The following PAPSS1 variants were observed in gnomAD, a reference collection of about 807,000 sequenced individuals.
PAPSS1 encodes bifunctional 3'-phosphoadenosine 5'-phosphosulfate synthase 1.
A neutral mutation model predicts 72.0 loss-of-function variants in PAPSS1; 50 were observed. The observed-to-expected ratio is 0.69, with a 90% CI of 0.55 to 0.88. PAPSS1 has a LOEUF of 0.88. PAPSS1 is among the 40% of genes least tolerant of loss of function. PAPSS1 has a pLI of 0.00. For missense variants in PAPSS1, 657 were observed against 782.2 expected, an observed-to-expected ratio of 0.84 and a Z score of 1.91; for synonymous variants, 261 against 263.6, an observed-to-expected ratio of 0.99 and a Z score of 0.09.
At chr4:107,697,924 T>C (rs1234497689) in intron 2 of PAPSS1, among the ~76,000 whole-genome samples, 1 of 151,936 alleles carries the variant, frequency 6.6e-6, no homozygotes, top group Admixed American at 6.6e-5. Context: ...GAGATTGGAG[T>C]GATCCGTCCA....
At chr4:107,699,692 G>A (rs1174323198) in intron 2 of PAPSS1, among the ~76,000 whole-genome samples, 5 of 152,164 alleles carry the variant, frequency 3.3e-5, no homozygotes, top group South Asian at 2.1e-4. Context: ...AAAAAGGAAC[G>A]CTCCTAAAAA....
At chr4:107,689,106 G>A (rs1722856468) in intron 3 of PAPSS1, among the ~76,000 whole-genome samples, 1 of 152,056 alleles carries the variant, frequency 6.6e-6, no homozygotes, top group Non-Finnish European at 1.5e-5. Context: ...CATATTACAG[G>A]TCTTCTGGCT....
At chr4:107,696,914 A>G (rs10003562) in intron 2 of PAPSS1, among the ~76,000 whole-genome samples, 8,647 of 152,200 alleles carry the variant, frequency 0.057, 816 homozygotes, top group African/African-American at 0.2. Flanking sequence ...CTGTCACATC[A>G]AGAGGTACTA....
intron 9 of PAPSS1, among the ~76,000 whole-genome samples, chr4:107,646,542 C>T (rs1256669903): frequency 6.6e-6 from 1 of 152,096 alleles, no homozygotes; most frequent in East Asian, 1.9e-4. Context: ...AAAAGTACAA[C>T]ATGAGCTGGA....
At chr4:107,712,407 C>T (rs996894643) in intron 1 of PAPSS1, among the ~76,000 whole-genome samples, 4 of 152,240 alleles carry the variant, frequency 2.6e-5, no homozygotes, top group Non-Finnish European at 5.9e-5. Flanking sequence ...ACCACACATA[C>T]AAGGGAGGTT....
chr4:107,684,483 T>C (rs1188079634), intron 4 of PAPSS1, among the ~76,000 whole-genome samples: 1 of 152,180 alleles, frequency 6.6e-6, no homozygotes, highest in Non-Finnish European at 1.5e-5. Context: ...TTAACAAAAC[T>C]ATATTTTTTT....
chr4:107,694,043 A>G, intron 2 of PAPSS1, 37 bp from the exon 3 acceptor site: 1 of 1,409,970 alleles, frequency 7.1e-7, no homozygotes, highest in Non-Finnish European at 9.9e-7. Flanking sequence ...CCATGTGTAA[A>G]GTTAGAAGGA....
At chr4:107,660,802 C>A (rs1727159951) in intron 5 of PAPSS1, among the ~76,000 whole-genome samples, 1 of 152,092 alleles carries the variant, frequency 6.6e-6, no homozygotes, top group Admixed American at 6.6e-5. Context: ...TGTTTTAAGC[C>A]AAATCTGTCA....
At chr4:107,647,852 T>TG (rs1253227735) in intron 9 of PAPSS1, among the ~76,000 whole-genome samples, 1 of 152,174 alleles carries the variant, frequency 6.6e-6, no homozygotes, top group East Asian at 1.9e-4. Context: ...CCCCTACACC[T>TG]GGGTTCAATT....
At chr4:107,712,691 T>C (rs1723526598) in intron 1 of PAPSS1, among the ~76,000 whole-genome samples, 1 of 151,748 alleles carries the variant, frequency 6.6e-6, no homozygotes, top group African/African-American at 2.4e-5. Context: ...TGGCCAACAT[T>C]GTGAAACCCC....
chr4:107,642,938 T>C (rs1726588473), intron 10 of PAPSS1, among the ~76,000 whole-genome samples: 1 of 152,162 alleles, frequency 6.6e-6, no homozygotes, highest in South Asian at 2.1e-4. Flanking sequence ...TCCTCCCTGG[T>C]ATAGCCAACA....
intron 5 of PAPSS1, among the ~76,000 whole-genome samples, chr4:107,669,951 T>C (rs113445129): frequency 2.0e-5 from 3 of 152,316 alleles, no homozygotes; most frequent in African/African-American, 2.4e-5. Flanking sequence ...GAATCCAACA[T>C]GTCCATGAAC....
intron 7 of PAPSS1, among the ~76,000 whole-genome samples, chr4:107,655,208 A>T (rs527864795): frequency 6.6e-6 from 1 of 152,344 alleles, no homozygotes; most frequent in East Asian, 1.9e-4. Context: ...TTAACAAGAA[A>T]GAATCAGCTG....
intron 11 of PAPSS1, among the ~76,000 whole-genome samples, chr4:107,617,188 G>T (rs1371425623): frequency 1.3e-5 from 2 of 150,844 alleles, no homozygotes. Flanking sequence ...CTGCTCACAG[G>T]GTTTATATGA....
intron 9 of PAPSS1, among the ~76,000 whole-genome samples, chr4:107,647,925 G>C (rs1032193443): frequency 2.6e-5 from 4 of 152,090 alleles, no homozygotes; most frequent in Non-Finnish European, 4.4e-5. Context: ...CAGTTCACCG[G>C]ACAGATGCAT....
At chr4:107,634,795 A>T (rs1726316634) in intron 10 of PAPSS1, among the ~76,000 whole-genome samples, 1 of 119,594 alleles carries the variant, frequency 8.4e-6, no homozygotes, top group Non-Finnish European at 1.7e-5. Context: ...AATATTCTAG[A>T]CATTTTTTTT....
At chr4:107,638,603 C>T (rs1379282167) in intron 10 of PAPSS1, among the ~76,000 whole-genome samples, 1 of 152,242 alleles carries the variant, frequency 6.6e-6, no homozygotes, top group East Asian at 1.9e-4. Flanking sequence ...TCAGCCTCCA[C>T]CTCCTCTTCC....
At chr4:107,690,536 CCCA>C (rs1421408102) in intron 3 of PAPSS1, among the ~76,000 whole-genome samples, 6 of 152,180 alleles carry the variant, frequency 3.9e-5, no homozygotes, top group African/African-American at 1.4e-4. Flanking sequence ...TCTCCGCATT[CCCA>C]CCAGACTACC....
Position 107,687,040 on chromosome 4 carries a change from T to C in PAPSS1, c.549A>G (p.Lys183=). The C allele has an allele frequency of 5.0e-6, 8 of 1,599,538 alleles. No individual in the cohort carries two copies. The highest frequency in any genetic ancestry group is 6.8e-6 in the Non-Finnish European group (8 of 1,175,450). ...AACTGGGAAGAAAATATTACTGACC[T>C]TTAATTTCTCCTGCCCGGGCTTTTT... ...LYKKARAGEI[K]GFTGIDSEYE... The change falls in exon 4 of 12, where the codon AAA becomes AAG. Residue 183 remains lysine, a splice_region_variant and synonymous_variant. Transcript: ENST00000265174.
Sources: gnomAD v4.1 joint callset for allele counts (sites outside exome capture counted in the v4.1 genomes callset) on GRCh38, gnomAD v4.1.1 for gene constraint, MANE v1.5 for transcripts, NCBI Gene and HGNC (gene_info 2026-07-23, HGNC 2026-07-21) for gene names.